The following TAB2 variants were observed in gnomAD, a reference collection of about 807,000 sequenced individuals.
TAB2 encodes the protein TGF-beta-activated kinase 1 and MAP3K7-binding protein 2.
In TAB2, 3 loss-of-function variants were observed where a neutral mutation model predicts 65.0. The ratio of observed to expected loss-of-function variants is 0.05; its 90% CI spans 0.02 to 0.12. The LOEUF (loss-of-function observed/expected upper bound fraction) is 0.12, where lower values mean the gene tolerates loss of function less well. TAB2 is among the 10% of genes least tolerant of loss of function. The probability of loss-of-function intolerance (pLI) is 1.00; values close to 1 mark genes in which losing one functional copy is unlikely to be tolerated. For missense variants in TAB2, 623 were observed against 840.3 expected (o/e 0.74, Z 3.20); for synonymous variants, 298 against 285.1 (o/e 1.05, Z -0.46).
At chr6:149,249,168 ACG>A (rs775070134) in intron 1 of TAB2, among the ~76,000 whole-genome samples, 7 of 52,606 alleles carry the variant, frequency 1.3e-4, no homozygotes, top group East Asian at 3.0e-3. Context: ...ACACACACAC[ACG>A]CACACACACA....
chr6:149,267,911 G>T (rs994645507), intron 1 of TAB2, among the ~76,000 whole-genome samples: 3 of 152,116 alleles, frequency 2.0e-5, no homozygotes, highest in Non-Finnish European at 1.5e-5. Flanking sequence ...TGTCGTATAC[G>T]CAGTCTATTG....
chr6:149,273,885 A>G (rs1237637902), intron 1 of TAB2, among the ~76,000 whole-genome samples: 1 of 152,212 alleles, frequency 6.6e-6, no homozygotes, highest in Non-Finnish European at 1.5e-5. Flanking sequence ...ATTTGAGTTT[A>G]AACTGAACTA....
intron 1 of TAB2, among the ~76,000 whole-genome samples, chr6:149,325,953 G>A (rs1482764757): frequency 6.6e-6 from 1 of 152,004 alleles, no homozygotes; most frequent in Non-Finnish European, 1.5e-5. Flanking sequence ...TGCTTAGGCT[G>A]GTCTTGAGCA....
chr6:149,372,083 CAG>C (rs1781245246), intron 2 of TAB2, among the ~76,000 whole-genome samples: 1 of 152,018 alleles, frequency 6.6e-6, no homozygotes, highest in Admixed American at 6.6e-5. Flanking sequence ...AAGAACTGTC[CAG>C]AGCATTTCCC....
intron 3 of TAB2, among the ~76,000 whole-genome samples, chr6:149,387,890 A>G (rs906055767): frequency 6.6e-5 from 10 of 152,184 alleles, no homozygotes; most frequent in Non-Finnish European, 1.0e-4. Flanking sequence ...GTGTACCATA[A>G]TATCTAACCA....
chr6:149,317,040 G>T (rs1031818204), upstream of TAB2, among the ~76,000 whole-genome samples: 14 of 150,304 alleles, frequency 9.3e-5, no homozygotes, highest in Admixed American at 7.3e-4. The surrounding 1 kb of genome is among the most constrained non-coding windows in gnomAD (Gnocchi z 4.7). Flanking sequence ...GCGCCCCGGG[G>T]TCCGGCCGGG....
intron 1 of TAB2, among the ~76,000 whole-genome samples, chr6:149,263,587 G>A (rs1055719092): frequency 3.9e-5 from 6 of 152,192 alleles, no homozygotes; most frequent in Non-Finnish European, 7.3e-5. Context: ...ACCATACAAG[G>A]TTGGTAAGAT....
chr6:149,335,270 C>T (rs13203672), intron 1 of TAB2, among the ~76,000 whole-genome samples: 3 of 151,310 alleles, frequency 2.0e-5, no homozygotes, highest in African/African-American at 7.3e-5. Context: ...CACCTCACCT[C>T]CAGGAAATTG....
At chr6:149,315,862 C>G (rs1294990286), upstream of TAB2, among the ~76,000 whole-genome samples, 6 of 151,870 alleles carry the variant, frequency 4.0e-5, no homozygotes, top group African/African-American at 1.5e-4. Flanking sequence ...GGTTTTTAGA[C>G]TTGACCTGCT....
chr6:149,305,683 T>A (rs1399314145), intron 1 of TAB2, among the ~76,000 whole-genome samples: 1 of 152,190 alleles, frequency 6.6e-6, no homozygotes, highest in Non-Finnish European at 1.5e-5. Context: ...TTCATAAATC[T>A]GAGGTAATAT....
intron 1 of TAB2, among the ~76,000 whole-genome samples, chr6:149,346,309 G>A (rs1167689962): frequency 6.6e-6 from 1 of 152,060 alleles, no homozygotes; most frequent in Non-Finnish European, 1.5e-5. Context: ...CAGCTGGCCA[G>A]GAGTCCACTA....
At chr6:149,227,325 C>A (rs947427175) in intron 1 of TAB2, among the ~76,000 whole-genome samples, 3 of 152,148 alleles carry the variant, frequency 2.0e-5, no homozygotes, top group Non-Finnish European at 4.4e-5. Flanking sequence ...CTAACTACAA[C>A]CTTCAGAGTC....
At chr6:149,408,342 A>C (rs1782734782) in intron 6 of TAB2, among the ~76,000 whole-genome samples, 1 of 152,178 alleles carries the variant, frequency 6.6e-6, no homozygotes, top group South Asian at 2.1e-4. Context: ...TGTGGCAAAA[A>C]TTGTGACAAT....
intron 1 of TAB2, among the ~76,000 whole-genome samples, chr6:149,301,559 T>C (rs1254680126): frequency 1.3e-5 from 2 of 152,166 alleles, no homozygotes; most frequent in Non-Finnish European, 2.9e-5. Flanking sequence ...TGGGGAGAAA[T>C]ATGAACCCAT....
intron 1 of TAB2, among the ~76,000 whole-genome samples, chr6:149,276,071 G>A (rs1027319758): frequency 4.6e-5 from 7 of 152,086 alleles, no homozygotes; most frequent in African/African-American, 1.2e-4. Context: ...TAACAAATAC[G>A]CCACACCAGC....
chr6:149,381,618 A>T (rs1364402348), intron 3 of TAB2, among the ~76,000 whole-genome samples: 1 of 144,444 alleles, frequency 6.9e-6, no homozygotes, highest in African/African-American at 2.6e-5. Flanking sequence ...CTTTCGTCCA[A>T]ATTGGAGTGC....
At chr6:149,292,103 C>T (rs1474394156) in intron 1 of TAB2, among the ~76,000 whole-genome samples, 1 of 152,106 alleles carries the variant, frequency 6.6e-6, no homozygotes, top group Non-Finnish European at 1.5e-5. Context: ...AAATGAGAAA[C>T]TTCATAAAGG....
At chr6:149,279,741 G>C (rs545944150) in intron 1 of TAB2, among the ~76,000 whole-genome samples, 1 of 152,326 alleles carries the variant, frequency 6.6e-6, no homozygotes, top group Non-Finnish European at 1.5e-5. Context: ...ATCAAAGCTA[G>C]ATGTGCATTG....
intron 5 of TAB2, 94 bp from the exon 6 acceptor site, chr6:149,399,010 A>G: frequency 9.6e-7 from 1 of 1,039,284 alleles, no homozygotes; most frequent in Non-Finnish European, 1.5e-6. Flanking sequence ...CATTTCTTAT[A>G]GCGTGTTTAT....
Sources: allele counts gnomAD v4.1 joint callset (sites outside exome capture counted in the v4.1 genomes callset), GRCh38; gene constraint gnomAD v4.1.1; non-coding constraint Gnocchi (gnomAD v3.1); transcripts MANE v1.5; gene names NCBI Gene and HGNC (gene_info 2026-07-23, HGNC 2026-07-21).